CSF1R: variants seen among roughly 807,000 people sequenced by gnomAD.
CSF1R encodes the protein macrophage colony-stimulating factor 1 receptor.
A neutral mutation model predicts 110.0 loss-of-function variants in CSF1R; 40 were observed. The observed-to-expected ratio is 0.36, with a 90% confidence interval of 0.28 to 0.47. The LOEUF (loss-of-function observed/expected upper bound fraction) is 0.47. CSF1R is among the 20% of genes least tolerant of loss of function. The pLI is 0.99. For missense variants in CSF1R, 1,052 were observed against 1,253.0 expected, an observed-to-expected ratio of 0.84 and a Z score of 2.42; for synonymous variants, 523 against 503.4, an observed-to-expected ratio of 1.04 and a Z score of -0.52.
intron 1 of CSF1R, among the ~76,000 whole-genome samples, chr5:150,093,377 C>G (rs1239999034): frequency 6.6e-6 from 1 of 152,134 alleles, no homozygotes; most frequent in African/African-American, 2.4e-5. Context: ...CAGCACCGGC[C>G]CTCATGCTAT....
chr5:150,084,343 AAAAGAAAGAAAG>A (rs747780303), intron 1 of CSF1R, among the ~76,000 whole-genome samples: 25 of 84,564 alleles, frequency 3.0e-4, no homozygotes, highest in South Asian at 5.0e-4. Flanking sequence ...AAAGATAGAA[AAAAGAAAGAAAG>A]AAAGAAAGAA....
rs1311751481 is a variant in CSF1R, at chr5:150,069,973, G to A, written c.1410C>T (p.Ser470=). 6.2e-7 allele frequency: 1 copy of A among 1,614,134 alleles called. No individual in the cohort carries two copies. Among genetic ancestry groups the A allele is most frequent in the Non-Finnish European group, 8.5e-7 (1 of 1,180,010 alleles). Residue 470 remains serine (S), a synonymous_variant, in exon 9 of 21, where the codon AGC becomes AGT. Coordinates refer to ENST00000675795, the MANE Select transcript of CSF1R (RefSeq NM_001288705.3). ...GCTCTAAGGTCTCAACAGTCAGCAG[G>A]CTCTGCACCGTCACCTTGTGGAAGG... ...QEPFHKVTVQ[S]LLTVETLEHN...
chr5:150,078,208 C>G lies in CSF1R; in HGVS notation c.633G>C (p.Glu211Asp). Residue 211 changes from glutamate to aspartate, a missense_variant, in exon 4 of 21, where the codon GAG (glutamate) becomes GAC (aspartate). Transcript: ENST00000675795. ...CAGCCTCCCCTCGAATCCGCACCAG[C>G]TCTGCAGGCACCAGTGTCAAGGCTG... ...GPPALTLVPAELVRIRGEAAQ... is the reference protein window; with the variant it reads ...GPPALTLVPADLVRIRGEAAQ... 1 of 1,614,166 alleles carries G rather than the reference C, an allele frequency of 6.2e-7. No individual in the cohort carries two copies. Among genetic ancestry groups the G allele is most frequent in the South Asian group, 1.1e-5 (1 of 91,078 alleles).
chr5:150,105,889 T>A lies in CSF1R; in HGVS notation c.-181+7372A>T, dbSNP rs540372342. ...CCACAGCAGGCTCTTTCCATATTTA[T>A]CTAATTTAGTGCTTTTAACACATGA... On this transcript the variant is annotated intron_variant, in intron 1 of 21. Coordinates refer to the CSF1R transcript ENST00000286301. 2.6e-5 allele frequency among the ~76,000 whole-genome samples: 4 copies of A among 152,348 alleles called. No homozygotes were observed. In the East Asian group the frequency reaches 5.8e-4, roughly 22 times the overall value.
rs144178198 is a variant in CSF1R, at chr5:150,096,855, G to A, written c.-180-10248C>T. Among the ~76,000 whole-genome samples, 115 of 152,298 alleles carry A rather than the reference G, an allele frequency of 7.6e-4. 1 individual carries two copies. Among genetic ancestry groups the A allele is most frequent in the African/African-American group, 2.6e-3 (108 of 41,554 alleles). Reference sequence around the variant, plus strand: ...CCTACCACTAACATTAAACTTAGTGGTGAAAGATTGTATATTTTCCCTCTA... The same window carrying A: ...CCTACCACTAACATTAAACTTAGTGATGAAAGATTGTATATTTTCCCTCTA... On this transcript the variant is annotated intron_variant, in intron 1 of 21. Transcript: ENST00000286301.
upstream of CSF1R, among the ~76,000 whole-genome samples, chr5:150,087,346 T>C (rs998572074): frequency 9.9e-5 from 15 of 152,208 alleles, no homozygotes; most frequent in African/African-American, 3.6e-4. Context: ...TTACAGGACA[T>C]TTACTAGCCA....
intron 1 of CSF1R, among the ~76,000 whole-genome samples, chr5:150,082,615 G>A (rs1400898495): frequency 6.6e-6 from 1 of 152,216 alleles, no homozygotes; most frequent in Non-Finnish European, 1.5e-5. Flanking sequence ...GGGCCCCCAG[G>A]CCGGGGTTTT....
rs138432536 is a variant in CSF1R at position 150,068,289 on chromosome 5, C to T, written c.1552G>A (p.Val518Met). The change falls in exon 10 of 21, where the codon GTG becomes ATG. Residue 518 changes from valine (V) to methionine (M), a missense_variant. By Grantham distance (21) the Val-to-Met change is conservative. Transcript: ENST00000675795. ...HPPDEFLFTP[V>M]VVACMSIMAL... ...ATGATGGACATGCAGGCGACCACCA[C>T]TGGTGTGAAGAGGAACTCATCCGGG... 970 of 1,613,090 alleles carry T rather than the reference C, an allele frequency of 6.0e-4. 12 individuals are homozygous for T. The African/African-American group carries it at 0.011, about 19-fold the overall frequency.
Position 150,055,409 on chromosome 5 carries a change from T to G in CSF1R, c.2555-73A>C, listed in dbSNP as rs543742772. ...CCATTCCCGCACACCCACACACATC[T>G]TAGACTGGGTTTAAAGGGTCCCACT... On this transcript the variant is annotated intron_variant, in intron 18 of 20. Transcript: ENST00000675795. The G allele has an allele frequency of 3.1e-6, 4 of 1,284,576 alleles. No individual in the cohort carries two copies. In the East Asian group the frequency reaches 6.9e-5, roughly 22 times the overall value. The allele number at this position is 1,284,576 out of a possible 1,614,324, so 79.6% of individuals were successfully genotyped here. A position where few individuals can be genotyped will look rare whatever the true frequency, so the allele number is the denominator to read the frequency against.
intron 13 of CSF1R, among the ~76,000 whole-genome samples, chr5:150,060,275 C>T (rs981877527): frequency 2.7e-5 from 4 of 149,728 alleles, no homozygotes; most frequent in East Asian, 2.0e-4. Flanking sequence ...TGCAGTGAGC[C>T]GAGATCGCAC....
intron 1 of CSF1R, among the ~76,000 whole-genome samples, chr5:150,112,706 C>T (rs1581359869): frequency 6.6e-6 from 1 of 152,194 alleles, no homozygotes; most frequent in African/African-American, 2.4e-5. Flanking sequence ...GGATGGTGGG[C>T]TTTGTATGGC....
At chr5:150,095,159 C>T in intron 1 of CSF1R, 1 of 625,022 alleles carries the variant, frequency 1.6e-6, no homozygotes, top group Non-Finnish European at 2.6e-6. Flanking sequence ...CTACATGAAA[C>T]AAAACTGATA....
At position 150,108,053 on chromosome 5, in the gene CSF1R, G is replaced by C. The variant is rs140177291; in HGVS notation, c.-181+5208C>G. 4.8e-3 allele frequency among the ~76,000 whole-genome samples: 725 copies of C among 152,260 alleles called. 5 individuals carry two copies. The highest frequency in any genetic ancestry group is 0.011 in the Admixed American group (162 of 15,288). Reference sequence around the variant, plus strand: ...GGCCCTATCTGAGTTGAGAGGAAGTGAGAAGGGTGAGGAGTTGGGGGAGAG... The same window carrying C: ...GGCCCTATCTGAGTTGAGAGGAAGTCAGAAGGGTGAGGAGTTGGGGGAGAG... On this transcript the variant is annotated intron_variant, in intron 1 of 21. Transcript: ENST00000286301.
chr5:150,092,545 A>G (rs1376785739), intron 1 of CSF1R, among the ~76,000 whole-genome samples: 2 of 152,238 alleles, frequency 1.3e-5, no homozygotes, highest in African/African-American at 2.4e-5. Flanking sequence ...ACAGTTCAGC[A>G]TGGCTGAGGA....
chr5:150,061,056 G>T, intron 12 of CSF1R, 84 bp from the exon 13 acceptor site: 3 of 963,462 alleles, frequency 3.1e-6, no homozygotes, highest in East Asian at 2.6e-5. Flanking sequence ...CAAATGCAGA[G>T]ACCCAGGGGA....
chr5:150,093,985 C>T (rs1270671449), intron 1 of CSF1R, among the ~76,000 whole-genome samples: 1 of 151,620 alleles, frequency 6.6e-6, no homozygotes, highest in African/African-American at 2.4e-5. Context: ...AGTGCTTAAA[C>T]CTGGGAGGCA....
chr5:150,090,415 G>A (rs1759002444), upstream of CSF1R, among the ~76,000 whole-genome samples: 1 of 152,272 alleles, frequency 6.6e-6, no homozygotes, highest in African/African-American at 2.4e-5. Context: ...TCTAGAAAAT[G>A]TTTCTCATGC....
intron 1 of CSF1R, among the ~76,000 whole-genome samples, chr5:150,101,006 G>A (rs953752996): frequency 1.3e-5 from 2 of 151,702 alleles, no homozygotes; most frequent in African/African-American, 4.9e-5. Flanking sequence ...CGCATGAATG[G>A]TCCCAATTCT....
At chr5:150,110,902 G>T (rs1388734537) in intron 1 of CSF1R, among the ~76,000 whole-genome samples, 1 of 149,366 alleles carries the variant, frequency 6.7e-6, no homozygotes, top group Non-Finnish European at 1.5e-5. Context: ...ATAAATACTT[G>T]TATCAAGTAG....
Sources: gnomAD v4.1 joint callset for allele counts (sites outside exome capture counted in the v4.1 genomes callset) on GRCh38, gnomAD v4.1.1 for gene constraint, MANE v1.5 for transcripts, NCBI Gene and HGNC (gene_info 2026-07-23, HGNC 2026-07-21) for gene names.